The following SETBP1 variants were observed in gnomAD, a reference collection of about 807,000 sequenced individuals.
The protein encoded by SETBP1 is SET-binding protein.
Under a neutral mutation model 101.0 loss-of-function variants are expected in SETBP1, and 9 were observed. The ratio of observed to expected loss-of-function variants is 0.09; its 90% confidence interval spans 0.05 to 0.16. The LOEUF is 0.16. Among genes scored for constraint, SETBP1 ranks in the 10% least tolerant of loss-of-function variants. The pLI is 1.00. For synonymous variants in SETBP1, 818 were observed against 788.5 expected, an observed-to-expected ratio of 1.04 and a Z score of -0.63; for missense variants, 1,858 against 2,033.8, an observed-to-expected ratio of 0.91 and a Z score of 1.66.
chr18:44,862,069 T>C (rs1321509235), intron 2 of SETBP1, among the ~76,000 whole-genome samples: 3 of 152,198 alleles, frequency 2.0e-5, no homozygotes, highest in Non-Finnish European at 1.5e-5. Flanking sequence ...GAAGTTGAAA[T>C]AGCTATGACT....
At chr18:45,022,611 C>T (rs1185733843) in intron 4 of SETBP1, among the ~76,000 whole-genome samples, 3 of 152,290 alleles carry the variant, frequency 2.0e-5, no homozygotes, top group South Asian at 2.1e-4. Flanking sequence ...GGGCAGATCA[C>T]GTGAGGTCAG....
chr18:44,914,059 C>T (rs1045664581), intron 3 of SETBP1, among the ~76,000 whole-genome samples: 1 of 152,300 alleles, frequency 6.6e-6, no homozygotes, highest in Non-Finnish European at 1.5e-5. Flanking sequence ...GGGGGACAGG[C>T]CCTAGACTCA....
rs551219907 is a variant in SETBP1 at position 45,025,917 on chromosome 18, A to G, written c.4001-12568A>G. 2.6e-5 allele frequency among the ~76,000 whole-genome samples: 4 copies of G among 152,360 alleles called. No individual in the cohort carries two copies. The East Asian group carries it at 5.8e-4, about 22-fold the overall frequency. On this transcript the variant is annotated intron_variant, in intron 4 of 5. Coordinates refer to ENST00000649279, the MANE Select transcript of SETBP1 (RefSeq NM_015559.3). Reference sequence around the variant, plus strand: ...TAAATGTGCATTTATCTGTTTAGACATATATTTATGTGCACGCATGCACTA... The same window carrying G: ...TAAATGTGCATTTATCTGTTTAGACGTATATTTATGTGCACGCATGCACTA...
At chr18:44,787,625 C>T (rs1450783643) in intron 2 of SETBP1, among the ~76,000 whole-genome samples, 3 of 150,602 alleles carry the variant, frequency 2.0e-5, no homozygotes, top group Non-Finnish European at 3.0e-5. Flanking sequence ...GAGGCCGAGG[C>T]GGGTGGATCA....
At chr18:44,687,432 G>C (rs73952909) in intron 1 of SETBP1, among the ~76,000 whole-genome samples, 3,150 of 152,260 alleles carry the variant, frequency 0.021, 99 homozygotes, top group African/African-American at 0.072. Flanking sequence ...GGTTGAAAGA[G>C]TTACAGAAAG....
intron 2 of SETBP1, among the ~76,000 whole-genome samples, chr18:44,859,059 G>C (rs2073028330): frequency 6.6e-6 from 1 of 151,354 alleles, no homozygotes; most frequent in Non-Finnish European, 1.5e-5. Flanking sequence ...AGGAAAGAAG[G>C]AAGGAAGGAA....
At chr18:45,032,632 A>G (rs2073320076) in intron 4 of SETBP1, among the ~76,000 whole-genome samples, 1 of 152,186 alleles carries the variant, frequency 6.6e-6, no homozygotes. Context: ...GGTGCCTGGC[A>G]TGGGAGGAGA....
chr18:44,980,352 GAAATGAGGAAATTTTACTAC>G (rs1196369989), intron 4 of SETBP1, among the ~76,000 whole-genome samples: 5 of 152,064 alleles, frequency 3.3e-5, no homozygotes, highest in African/African-American at 1.2e-4. Context: ...AGTAGGGTTG[GAAATGAGGAAATTTTACTAC>G]AATATGTATT....
At chr18:44,792,263 C>T (rs528524178) in intron 2 of SETBP1, among the ~76,000 whole-genome samples, 1 of 152,104 alleles carries the variant, frequency 6.6e-6, no homozygotes, top group Non-Finnish European at 1.5e-5. Flanking sequence ...AGAGGCTTGG[C>T]CTGCACGGAA....
intron 2 of SETBP1, among the ~76,000 whole-genome samples, chr18:44,730,596 C>T (rs917561932): frequency 4.6e-5 from 7 of 152,134 alleles, no homozygotes; most frequent in Non-Finnish European, 7.3e-5. Context: ...TTTTGCCTAC[C>T]AAGAAGAAAG....
At chr18:44,803,107 C>T (rs557591344) in intron 2 of SETBP1, among the ~76,000 whole-genome samples, 1 of 152,162 alleles carries the variant, frequency 6.6e-6, no homozygotes, top group African/African-American at 2.4e-5. Context: ...AAGGTAAGGG[C>T]CAATATTTGC....
intron 4 of SETBP1, among the ~76,000 whole-genome samples, chr18:45,027,819 T>C (rs1305311364): frequency 1.3e-5 from 2 of 152,186 alleles, no homozygotes; most frequent in African/African-American, 4.8e-5. Context: ...GACAGAAGTC[T>C]GAATGGGACT....
intron 4 of SETBP1, chr18:44,987,885 G>A (rs1225420472): frequency 6.6e-6 from 1 of 152,114 alleles, no homozygotes; most frequent in Non-Finnish European, 1.5e-5. Context: ...TAGATAGACA[G>A]ACATATATAG....
chr18:44,973,672 G>A (rs1167601642), intron 4 of SETBP1, among the ~76,000 whole-genome samples: 2 of 152,182 alleles, frequency 1.3e-5, no homozygotes, highest in African/African-American at 4.8e-5. Flanking sequence ...GCTGATAAAG[G>A]CAGAGCAGCA....
chr18:45,009,737 G>A lies in SETBP1; in HGVS notation c.4001-28748G>A, dbSNP rs79581010. ...GAGACAGATTAGGAATTGCTAACCTGTTCTGTTTGATGTGCAGACTGAGGC... is the reference window on the plus strand; with the variant it reads ...GAGACAGATTAGGAATTGCTAACCTATTCTGTTTGATGTGCAGACTGAGGC... On this transcript the variant is annotated intron_variant, in intron 4 of 5. Coordinates refer to ENST00000649279, the MANE Select transcript of SETBP1 (RefSeq NM_015559.3). 2.5e-3 allele frequency among the ~76,000 whole-genome samples: 388 copies of A among 152,270 alleles called. 1 individual carries two copies. Among genetic ancestry groups the A allele is most frequent in the African/African-American group, 8.3e-3 (345 of 41,558 alleles).
intron 5 of SETBP1, among the ~76,000 whole-genome samples, chr18:45,048,746 G>A (rs941178550): frequency 1.3e-5 from 2 of 151,730 alleles, no homozygotes; most frequent in African/African-American, 4.8e-5. Flanking sequence ...GCCGAGGCGG[G>A]TGGATCATGA....
At position 45,063,386 on chromosome 18, in the gene SETBP1, G is replaced by A. The variant is rs952484603; in HGVS notation, c.4479G>A (p.Pro1493=). ...GAGGCCAGAAGCCCAGCCTGAGCCCGCTGGTGCTGGAGCCCGCCGCCAGCC... is the reference window on the plus strand; with the variant it reads ...GAGGCCAGAAGCCCAGCCTGAGCCCACTGGTGCTGGAGCCCGCCGCCAGCC... The part of the protein sequence containing the change: ...SKRGQKPSLS[P]LVLEPAASQD... Residue 1493 remains proline (P), a synonymous_variant, in exon 6 of 6, where the codon CCG becomes CCA. Coordinates refer to ENST00000649279, the MANE Select transcript of SETBP1 (RefSeq NM_015559.3). 45 of 1,553,934 alleles carry A rather than the reference G, an allele frequency of 2.9e-5. No individual in the cohort carries two copies. Among genetic ancestry groups the A allele is most frequent in the Non-Finnish European group, 3.7e-5 (43 of 1,150,332 alleles).
intron 2 of SETBP1, among the ~76,000 whole-genome samples, chr18:44,799,096 A>G (rs1228338132): frequency 6.6e-6 from 1 of 152,246 alleles, no homozygotes; most frequent in Non-Finnish European, 1.5e-5. Context: ...GCCTACAAGA[A>G]ACTTTTATGT....
chr18:44,913,082 T>C (rs1373710976), intron 3 of SETBP1, among the ~76,000 whole-genome samples: 2 of 152,220 alleles, frequency 1.3e-5, no homozygotes, highest in African/African-American at 4.8e-5. Flanking sequence ...AGAAACCCAC[T>C]GCTCTAAGCC....
Sources: gnomAD v4.1 joint callset for allele counts (sites outside exome capture counted in the v4.1 genomes callset) on GRCh38, gnomAD v4.1.1 for gene constraint, MANE v1.5 for transcripts, NCBI Gene and HGNC (gene_info 2026-07-23, HGNC 2026-07-21) for gene names.